The following CORO1C variants were observed in gnomAD, a reference collection of about 807,000 sequenced individuals.
CORO1C encodes the protein coronin 1C.
A neutral mutation model predicts 51.2 loss-of-function variants in CORO1C; 14 were observed. The observed-to-expected ratio is 0.27, with a 90% confidence interval of 0.18 to 0.43. The LOEUF (loss-of-function observed/expected upper bound fraction) is 0.43. Ranked by LOEUF, CORO1C falls within the 20% of genes least tolerant of loss-of-function variation. The probability of loss-of-function intolerance (pLI) is 1.00; values close to 1 mark genes in which losing one functional copy is unlikely to be tolerated. For missense variants in CORO1C, 417 were observed against 607.8 expected, an observed-to-expected ratio of 0.69 and a Z score of 3.30; for synonymous variants, 181 against 210.5, an observed-to-expected ratio of 0.86 and a Z score of 1.21.
At chr12:108,711,709 G>C (rs1202809075) in intron 1 of CORO1C, among the ~76,000 whole-genome samples, 2 of 150,822 alleles carry the variant, frequency 1.3e-5, no homozygotes, top group Non-Finnish European at 1.5e-5. Context: ...TATCTTATAA[G>C]CTACATAGGA....
intron 3 of CORO1C, among the ~76,000 whole-genome samples, chr12:108,670,068 T>G (rs73406587): frequency 0.031 from 4,718 of 152,262 alleles, 240 homozygotes; most frequent in African/African-American, 0.11. Context: ...CAGCATTTTT[T>G]GGGGGTTTTT....
chr12:108,717,611 T>C (rs757420842), intron 1 of CORO1C, among the ~76,000 whole-genome samples: 13 of 152,176 alleles, frequency 8.5e-5, no homozygotes, highest in Admixed American at 3.9e-4. Flanking sequence ...TAAAACTGTT[T>C]TAGATATGAA....
At chr12:108,689,201 G>GA (rs1051700337) in intron 2 of CORO1C, among the ~76,000 whole-genome samples, 21 of 151,922 alleles carry the variant, frequency 1.4e-4, no homozygotes, top group African/African-American at 1.9e-4. Context: ...CTCCATCTCT[G>GA]AAAAAACAAA....
chr12:108,697,770 T>C (rs1217535723), intron 2 of CORO1C, among the ~76,000 whole-genome samples: 1 of 152,168 alleles, frequency 6.6e-6, no homozygotes, highest in Non-Finnish European at 1.5e-5. Context: ...CAAGTGCTCC[T>C]GGAGGGCACA....
chr12:108,705,695 T>C (rs769898365), intron 1 of CORO1C, among the ~76,000 whole-genome samples: 5 of 152,090 alleles, frequency 3.3e-5, no homozygotes, highest in African/African-American at 1.2e-4. Context: ...ATATCTCTTA[T>C]GAATACAGAT....
intron 3 of CORO1C, among the ~76,000 whole-genome samples, chr12:108,670,934 A>C (rs1253138446): frequency 6.6e-6 from 1 of 151,890 alleles, no homozygotes; most frequent in Non-Finnish European, 1.5e-5. Context: ...ACCAAGAAAG[A>C]ACACAAGAGC....
At chr12:108,681,421 AGAAC>A (rs1295161795) in intron 2 of CORO1C, among the ~76,000 whole-genome samples, 3 of 152,228 alleles carry the variant, frequency 2.0e-5, no homozygotes, top group Non-Finnish European at 4.4e-5. Context: ...AGTGCAATTT[AGAAC>A]ACCTAAAACA....
intron 2 of CORO1C, among the ~76,000 whole-genome samples, chr12:108,692,904 TCTC>T (rs1374498328): frequency 2.0e-5 from 3 of 150,838 alleles, no homozygotes; most frequent in African/African-American, 7.3e-5. Context: ...TTCAAGCCAT[TCTC>T]CTGTCTCAGC....
At chr12:108,688,362 C>T (rs990381750) in intron 2 of CORO1C, among the ~76,000 whole-genome samples, 4 of 152,164 alleles carry the variant, frequency 2.6e-5, no homozygotes, top group Non-Finnish European at 4.4e-5. Flanking sequence ...CTGACAGACA[C>T]GTCTCAATAA....
chr12:108,648,848 A>C lies in CORO1C; in HGVS notation c.1062T>G (p.Ser354=). The C allele has an allele frequency of 6.2e-7, 1 of 1,614,118 alleles. No homozygotes were observed. Among genetic ancestry groups the C allele is most frequent in the Non-Finnish European group, 8.5e-7 (1 of 1,179,958 alleles). Residue 354 remains serine, a splice_region_variant and synonymous_variant, in exon 10 of 11, where the codon TCT becomes TCG. Transcript: ENST00000261401. ...EPIIMTVPRK[S]DLFQDDLYPD... is the part of the protein sequence containing the mutation. ...GATACAGGTCATCTTGGAAAAGGTC[A>C]GACTACAAGAGACATTTGGCACCCG...
Position 108,652,424 on chromosome 12 carries a change from G to A in CORO1C, c.856-7C>T. The A allele has an allele frequency of 1.2e-6, 2 of 1,611,824 alleles. No homozygotes were observed. The highest frequency in any genetic ancestry group is 2.2e-5 in the South Asian group (2 of 90,966). ...AGCGAATACTGCTGTCACCCTGTAA[G>A]AAACCAGAGACAAGTCTGTGTCTGA... On this transcript the variant is annotated splice_region_variant and splice_polypyrimidine_tract_variant and intron_variant, in intron 7 of 10. Coordinates refer to ENST00000261401, the MANE Select transcript of CORO1C (RefSeq NM_014325.4).
chr12:108,703,461 G>C (rs907677780), intron 1 of CORO1C, among the ~76,000 whole-genome samples: 1 of 152,202 alleles, frequency 6.6e-6, no homozygotes, highest in African/African-American at 2.4e-5. Context: ...GAGGCTACAA[G>C]AGAGCAAATG....
chr12:108,649,535 C>T (rs1266447771), intron 8 of CORO1C: 5 of 161,128 alleles, frequency 3.1e-5, no homozygotes, highest in Non-Finnish European at 4.1e-5. Flanking sequence ...CCACATCGTA[C>T]ATGACACTCA....
chr12:108,678,284 G>A lies in CORO1C; in HGVS notation c.306C>T (p.Asp102=). 1 of 1,612,004 alleles carries A rather than the reference G, an allele frequency of 6.2e-7. No homozygotes were observed. ...NDQVIASGSE[D]CTVMVWQIPE... ...CCTGGGAGCTTACCATGACCGTGCAGTCCTCTGAACCGCTGGCAATGACCT... is the reference window on the plus strand; with the variant it reads ...CCTGGGAGCTTACCATGACCGTGCAATCCTCTGAACCGCTGGCAATGACCT... Residue 102 remains aspartate (D), a synonymous_variant, in exon 3 of 11, where the codon GAC becomes GAT. Transcript: ENST00000261401.
intron 3 of CORO1C, among the ~76,000 whole-genome samples, chr12:108,671,244 G>A (rs2033706284): frequency 6.6e-6 from 1 of 152,024 alleles, no homozygotes; most frequent in Admixed American, 6.5e-5. Context: ...GTTGAGGTGG[G>A]AGGATTGCTT....
chr12:108,652,262 G>A lies in CORO1C; in HGVS notation c.1001+10C>T, dbSNP rs763490835. ...CCAACCTAGAATACTTGACAATCTC[G>A]ATTCTTTACCTGGCAATCTCACATT... On this transcript the variant is annotated intron_variant, in intron 8 of 10. Coordinates refer to ENST00000261401, the MANE Select transcript of CORO1C (RefSeq NM_014325.4). The A allele has an allele frequency of 2.8e-5, 45 of 1,611,886 alleles. No homozygotes were observed. Among genetic ancestry groups the A allele is most frequent in the Non-Finnish European group, 3.1e-5 (36 of 1,178,590 alleles).
At chr12:108,730,111 T>C (rs1013943811) in intron 1 of CORO1C, 1 of 152,258 alleles carries the variant, frequency 6.6e-6, no homozygotes, top group Non-Finnish European at 1.5e-5. Flanking sequence ...TCTTTTCAAA[T>C]GTCTTATAGG....
chr12:108,692,455 T>C (rs2034528481), intron 2 of CORO1C, among the ~76,000 whole-genome samples: 1 of 152,232 alleles, frequency 6.6e-6, no homozygotes, highest in Non-Finnish European at 1.5e-5. Context: ...AAGGCAGACA[T>C]GCAGCCAATG....
intron 3 of CORO1C, among the ~76,000 whole-genome samples, chr12:108,677,761 G>T (rs769107330): frequency 2.2e-4 from 33 of 152,312 alleles, no homozygotes; most frequent in Middle Eastern, 3.4e-3. Context: ...AGAAAAGACT[G>T]TAATCCCAGC....
Sources: allele counts gnomAD v4.1 joint callset (sites outside exome capture counted in the v4.1 genomes callset), GRCh38; gene constraint gnomAD v4.1.1; transcripts MANE v1.5; gene names NCBI Gene and HGNC (gene_info 2026-07-23, HGNC 2026-07-21).